Variants in PRRX2 observed in about 807,000 individuals in gnomAD.
PRRX2 encodes the protein paired related homeobox 2.
PRRX2 carries 11 observed loss-of-function variants against 18.0 expected under a neutral mutation model. The ratio of observed to expected loss-of-function variants is 0.61; its 90% CI spans 0.39 to 1.01. PRRX2 has a LOEUF of 1.01. PRRX2 is among the 50% of genes least tolerant of loss of function. The pLI, the probability that PRRX2 is intolerant of heterozygous loss-of-function variation, is 0.01. For missense variants in PRRX2, 387 were observed against 351.0 expected (o/e 1.10, Z -0.82); for synonymous variants, 177 against 154.8 (o/e 1.14, Z -1.06).
Position 129,722,493 on chromosome 9 carries a change from T to C in PRRX2, c.*141T>C. On this transcript the variant is annotated 3_prime_UTR_variant, in exon 4 of 4. Transcript: ENST00000372469. ...CTGGACTCCCGAGCCCACGAGGCTG[T>C]TGAGGCCCCTGCAGCCGGGCCCAGC... 1 of 949,748 alleles carries C rather than the reference T, an allele frequency of 1.1e-6. No individual in the cohort carries two copies. The highest frequency in any genetic ancestry group is 1.4e-6 in the Non-Finnish European group (1 of 725,080). The allele number at this position is 949,748 out of a possible 1,614,324, so 58.8% of individuals were successfully genotyped here.
intron 1 of PRRX2, among the ~76,000 whole-genome samples, chr9:129,684,508 ACACACACACACACACC>A (rs1479180110): frequency 0.015 from 825 of 53,914 alleles, 7 homozygotes; most frequent in African/African-American, 0.033. Context: ...ACACACACAC[ACACACACACACACACC>A]CACACACACC....
At position 129,675,646 on chromosome 9, in the gene PRRX2, C is replaced by T. The variant is rs926053772; in HGVS notation, c.259+9520C>T. On this transcript the variant is annotated intron_variant, in intron 1 of 3. Coordinates refer to ENST00000372469, the MANE Select transcript of PRRX2 (RefSeq NM_016307.4). This position sits in a 1 kb window ranked among gnomAD's most constrained non-coding sequence, Gnocchi z 4.4. ...CTCCCTGTCTGTCCTCCCCCACTGCCGGTCTCCCCCTCGCTGGCCTCCCTT... is the reference window on the plus strand; with the variant it reads ...CTCCCTGTCTGTCCTCCCCCACTGCTGGTCTCCCCCTCGCTGGCCTCCCTT... Among the ~76,000 whole-genome samples, 5 of 151,964 alleles carry T rather than the reference C, an allele frequency of 3.3e-5. No individual in the cohort carries two copies. Among genetic ancestry groups the T allele is most frequent in the Admixed American group, 6.6e-5 (1 of 15,256 alleles).
At chr9:129,700,582 C>T (rs1832481631) in intron 1 of PRRX2, among the ~76,000 whole-genome samples, 1 of 151,262 alleles carries the variant, frequency 6.6e-6, no homozygotes. Flanking sequence ...TGCCCGCCTC[C>T]GCCTCCCAAA....
Position 129,722,650 on chromosome 9 carries a change from A to C in PRRX2, c.*298A>C, listed in dbSNP as rs1027365792. 3.6e-6 allele frequency: 1 copy of C among 280,034 alleles called. No homozygotes were observed. Among genetic ancestry groups the C allele is most frequent in the Non-Finnish European group, 6.6e-6 (1 of 151,622 alleles). The allele number at this position is 280,034 out of a possible 1,614,324, so 17.3% of individuals were successfully genotyped here. On this transcript the variant is annotated 3_prime_UTR_variant, in exon 4 of 4. Transcript: ENST00000372469. ...CAAAAAGCTTTTGTCTTTAAGAAAT[A>C]AAACCATTTTTTTAAGCCCCAAAAG...
chr9:129,686,777 C>G (rs1832304373), intron 1 of PRRX2, among the ~76,000 whole-genome samples: 1 of 152,228 alleles, frequency 6.6e-6, no homozygotes, highest in Admixed American at 6.5e-5. Context: ...TCCGGATTCG[C>G]CCTCACCACC....
intron 1 of PRRX2, among the ~76,000 whole-genome samples, chr9:129,674,647 G>C (rs926922663): frequency 6.6e-6 from 1 of 152,118 alleles, no homozygotes; most frequent in African/African-American, 2.4e-5. Context: ...TCAGTTGCTT[G>C]AGATTTGACA....
intron 1 of PRRX2, among the ~76,000 whole-genome samples, chr9:129,690,398 G>A (rs985943431): frequency 1.3e-5 from 2 of 152,114 alleles, no homozygotes; most frequent in Admixed American, 6.5e-5. Flanking sequence ...CCCTGATCAA[G>A]GTACCCAGGA....
rs898981546 is a variant in PRRX2, at chr9:129,666,118, C to T, written c.251C>T (p.Pro84Leu). Residue 84 changes from proline (P) to leucine (L), a missense_variant, in exon 1 of 4, where the codon CCG becomes CTG. Physicochemically the swap from Pro to Leu is moderately conservative, Grantham distance 98. Transcript: ENST00000372469. ...SGGSSGSEAA[P>L]QDGECPSPGR... ...GGCAGCAGCGGCAGCGAGGCGGCGC[C>T]GCAGGATGGTGAGTACGGCCGGCCA... The T allele has an allele frequency of 1.7e-5, 17 of 1,016,164 alleles. No homozygotes were observed. The African/African-American group carries it at 3.0e-4, about 18-fold the overall frequency. The allele number at this position is 1,016,164 out of a possible 1,614,324, so 62.9% of individuals were successfully genotyped here. A position where few individuals can be genotyped will look rare whatever the true frequency, so the allele number is the denominator to read the frequency against.
chr9:129,677,098 C>T (rs924380875), intron 1 of PRRX2, among the ~76,000 whole-genome samples: 10 of 152,194 alleles, frequency 6.6e-5, no homozygotes, highest in Admixed American at 1.3e-4. Flanking sequence ...AGCGCATGTG[C>T]GTGTTGTTTT....
chr9:129,697,630 C>A (rs1173816238), intron 1 of PRRX2, among the ~76,000 whole-genome samples: 1 of 151,890 alleles, frequency 6.6e-6, no homozygotes, highest in East Asian at 1.9e-4. Flanking sequence ...CGACCCCAGA[C>A]CCGCGCGTGC....
At chr9:129,693,897 G>GGGAT (rs1832390282) in intron 1 of PRRX2, among the ~76,000 whole-genome samples, 1 of 152,210 alleles carries the variant, frequency 6.6e-6, no homozygotes, top group Non-Finnish European at 1.5e-5. Flanking sequence ...CAAGGGACAA[G>GGGAT]GGATGGTAAG....
At chr9:129,701,422 G>T (rs973551655) in intron 1 of PRRX2, among the ~76,000 whole-genome samples, 1 of 152,222 alleles carries the variant, frequency 6.6e-6, no homozygotes, top group African/African-American at 2.4e-5. Flanking sequence ...TTACAGTGGG[G>T]ACACTGAGTC....
chr9:129,714,402 CAAAAAAA>C (rs144863124), intron 1 of PRRX2, among the ~76,000 whole-genome samples: 1 of 102,496 alleles, frequency 9.8e-6, no homozygotes, highest in Non-Finnish European at 2.2e-5. Context: ...TACTCTGTCT[CAAAAAAA>C]AAAAAAAAAA....
intron 1 of PRRX2, among the ~76,000 whole-genome samples, chr9:129,712,286 G>A (rs757542250): frequency 1.5e-4 from 23 of 152,152 alleles, no homozygotes; most frequent in Admixed American, 3.3e-4. Flanking sequence ...CCTCAGCCCG[G>A]GGGTCAGGCG....
intron 1 of PRRX2, among the ~76,000 whole-genome samples, chr9:129,710,537 T>C (rs1453688431): frequency 6.6e-6 from 1 of 152,048 alleles, no homozygotes; most frequent in African/African-American, 2.4e-5. Context: ...ATCGAGACCA[T>C]CCTGGCCAAC....
At chr9:129,717,880 A>G (rs1832733601) in intron 1 of PRRX2, among the ~76,000 whole-genome samples, 1 of 152,152 alleles carries the variant, frequency 6.6e-6, no homozygotes, top group Non-Finnish European at 1.5e-5. Flanking sequence ...CAGATACAAA[A>G]GAAGTGCTGA....
At chr9:129,680,267 G>C (rs2119061008) in intron 1 of PRRX2, among the ~76,000 whole-genome samples, 1 of 151,954 alleles carries the variant, frequency 6.6e-6, no homozygotes, top group Non-Finnish European at 1.5e-5. Context: ...TGGGCGTGGT[G>C]GCGTGCACCT....
At chr9:129,706,167 C>T (rs553844845) in intron 1 of PRRX2, among the ~76,000 whole-genome samples, 2 of 152,170 alleles carry the variant, frequency 1.3e-5, no homozygotes, top group East Asian at 3.9e-4. Flanking sequence ...AGTCCAGGGC[C>T]GGATGTGGTG....
chr9:129,676,638 T>G (rs777082150), intron 1 of PRRX2, among the ~76,000 whole-genome samples: 5 of 152,166 alleles, frequency 3.3e-5, no homozygotes, highest in Non-Finnish European at 5.9e-5. Context: ...CAGTCCACAG[T>G]TGATGTAGAG....
Sources: allele counts gnomAD v4.1 joint callset (sites outside exome capture counted in the v4.1 genomes callset), GRCh38; gene constraint gnomAD v4.1.1; non-coding constraint Gnocchi (gnomAD v3.1); transcripts MANE v1.5; gene names NCBI Gene and HGNC (gene_info 2026-07-23, HGNC 2026-07-21).